TAP2: variants seen among roughly 807,000 people sequenced by gnomAD.
TAP2 encodes the protein antigen peptide transporter 2.
In TAP2, 49 loss-of-function variants were observed where a neutral mutation model predicts 74.7. The ratio of observed to expected loss-of-function variants is 0.66; its 90% confidence interval spans 0.52 to 0.83. TAP2 has a LOEUF of 0.83. TAP2 is among the 40% of genes least tolerant of loss of function. The pLI is 0.00. For missense variants in TAP2, 739 were observed against 859.0 expected (o/e 0.86, Z 1.75); for synonymous variants, 306 against 368.4 (o/e 0.83, Z 1.94).
Position 32,828,675 on chromosome 6 carries a change from G to GGCGCC in TAP2, c.*230_*231insGGCGC. ...GAATTAAGTTTCCTGGACACAGACA[G>GGCGCC]CCCCCACCCCACCCCACCCCACCTC... On this transcript the variant is annotated 3_prime_UTR_variant, in exon 12 of 12. Coordinates refer to ENST00000374897, the MANE Select transcript of TAP2 (RefSeq NM_001290043.2). 1.1e-6 allele frequency: 1 copy of GGCGCC among 884,268 alleles called. No individual in the cohort carries two copies. The highest frequency in any genetic ancestry group is 1.9e-5 in the African/African-American group (1 of 53,306). The allele number at this position is 884,268 out of a possible 1,614,324, so 54.8% of individuals were successfully genotyped here.
Position 32,829,517 on chromosome 6 carries a change from G to T in TAP2, c.1815C>A (p.Ser605Arg). Residue 605 changes from serine (S) to arginine (R), a missense_variant, in exon 11 of 12, where the codon AGC (serine) becomes AGA (arginine). Ser to Arg is a moderately radical substitution (Grantham distance 110, BLOSUM62 -1). Transcript: ENST00000374897. The part of the protein sequence containing the change: ...GIYTDVGEKG[S>R]QLAAGQKQRL... ...GTTGTTTCTGTCCCGCAGCCAGCTG[G>T]CTTCCCTTCTCCCCTACATCTGAGG... 6.2e-7 allele frequency: 1 copy of T among 1,614,196 alleles called. No individual in the cohort carries two copies. The highest frequency in any genetic ancestry group is 1.3e-5 in the African/African-American group (1 of 75,054).
Position 32,828,675 on chromosome 6 carries a change from G to GCCTCCCCCCCCCCCCCCCC in TAP2, c.*230_*231insGGGGGGGGGGGGGGGGAGG. The GCCTCCCCCCCCCCCCCCCC allele has an allele frequency of 1.1e-6, 1 of 884,280 alleles. No homozygotes were observed. Among genetic ancestry groups the GCCTCCCCCCCCCCCCCCCC allele is most frequent in the Non-Finnish European group, 1.4e-6 (1 of 735,240 alleles). 54.8% of individuals were successfully genotyped at this position (884,280 alleles called of 1,614,324 possible). ...GAATTAAGTTTCCTGGACACAGACA[G>GCCTCCCCCCCCCCCCCCCC]CCCCCACCCCACCCCACCCCACCTC... On this transcript the variant is annotated 3_prime_UTR_variant, in exon 12 of 12. Coordinates refer to ENST00000374897, the MANE Select transcript of TAP2 (RefSeq NM_001290043.2).
In TAP2 at chr6:32,832,772, C is replaced by A. The variant is rs756271450; in HGVS notation, c.998G>T (p.Arg333Leu). Reference sequence around the variant, plus strand: ...GGTCTGCAGCCCTCCAACGGCTTCCCGCACCACCTGCCCCGCCCTGGCCAC... The same window carrying A: ...GGTCTGCAGCCCTCCAACGGCTTCCAGCACCACCTGCCCCGCCCTGGCCAC... The part of the protein sequence containing the change: ...DAVARAGQVV[R>L]EAVGGLQTVR... The change falls in exon 6 of 12, where the codon CGG becomes CTG. Residue 333 changes from arginine (R) to leucine (L), a missense_variant. Coordinates refer to ENST00000374897, the MANE Select transcript of TAP2 (RefSeq NM_001290043.2). The surrounding 1 kb of genome is among the most constrained non-coding windows in gnomAD (Gnocchi z 5.9). 29 of 1,613,080 alleles carry A rather than the reference C, an allele frequency of 1.8e-5. No homozygotes were observed. The highest frequency in any genetic ancestry group is 2.5e-5 in the Non-Finnish European group (29 of 1,180,038).
intron 1 of TAP2, among the ~76,000 whole-genome samples, 179 bp downstream of exon 1, chr6:32,838,474 A>T (rs1210073760): frequency 6.6e-6 from 1 of 150,810 alleles, no homozygotes; most frequent in East Asian, 1.9e-4. Flanking sequence ...TTAAAAAAAA[A>T]AAAAAAAAAT....
At position 32,835,197 on chromosome 6, in the gene TAP2, G is replaced by A; in HGVS notation, c.902C>T (p.Pro301Leu). 1 of 1,613,008 alleles carries A rather than the reference G, an allele frequency of 6.2e-7. No individual in the cohort carries two copies. Among genetic ancestry groups the A allele is most frequent in the Non-Finnish European group, 8.5e-7 (1 of 1,180,024 alleles). The change falls in exon 5 of 12, where the codon CCC becomes CTC. Residue 301 changes from proline (P) to leucine (L), a missense_variant. By Grantham distance (98) the Pro-to-Leu change is moderately conservative (BLOSUM62 -3). Coordinates refer to ENST00000374897, the MANE Select transcript of TAP2 (RefSeq NM_001290043.2). The surrounding 1 kb of genome is among the most constrained non-coding windows in gnomAD (Gnocchi z 4.0). ...CACCTTCTCCGCTGCTATTGTGAAG[G>A]GCATGTGCAGCAGAGAAAGGAGGGT... ...RLTLLSLLHM[P>L]FTIAAEKVYN...
At chr6:32,823,766 G>GTATT (rs59250338), downstream of TAP2, among the ~76,000 whole-genome samples, 10,027 of 151,960 alleles carry the variant, frequency 0.066, 645 homozygotes, top group African/African-American at 0.17. Context: ...GTTTACATGA[G>GTATT]TATTTTTAAA....
intron 9 of TAP2, 44 bp downstream of exon 9, chr6:32,830,223 C>T (rs1582568366): frequency 6.8e-6 from 11 of 1,612,892 alleles, no homozygotes; most frequent in Non-Finnish European, 8.5e-6. Context: ...TCTCTCTGTA[C>T]ATGCTCCCCT....
Position 32,835,855 on chromosome 6 carries a change from T to C in TAP2, c.609-82A>G. 1 of 1,592,676 alleles carries C rather than the reference T, an allele frequency of 6.3e-7. No homozygotes were observed. Among genetic ancestry groups the C allele is most frequent in the South Asian group, 1.1e-5 (1 of 90,560 alleles). ...GTGAAACAGAGGAGCAAGCCAGGAG[T>C]GCAGAGAAGCGCAAAGTCAGGGGAA... On this transcript the variant is annotated intron_variant, in intron 3 of 11. Transcript: ENST00000374897. This position sits in a 1 kb window ranked among gnomAD's most constrained non-coding sequence, Gnocchi z 4.0.
chr6:32,836,049 T>C (rs566730402), intron 3 of TAP2, among the ~76,000 whole-genome samples: 1 of 152,182 alleles, frequency 6.6e-6, no homozygotes, highest in Non-Finnish European at 1.5e-5. Context: ...CACTCTGTAC[T>C]AGACACAATA....
At chr6:32,824,170 A>G (rs1768489447), downstream of TAP2, among the ~76,000 whole-genome samples, 1 of 152,118 alleles carries the variant, frequency 6.6e-6, no homozygotes, top group African/African-American at 2.4e-5. Flanking sequence ...ATTTCTTCCT[A>G]TAATTCTCCT....
chr6:32,828,913 T>C lies in TAP2; in HGVS notation c.2054A>G (p.Gln685Arg). ...LQEGKLQKLA[Q>R]L The stretch of plus-strand genomic sequence containing the variant: ...ATAGAGGTCCTGTCCCTCCTAGAGC[T>C]GGGCAAGCTTCTGCAGCTTGCCCTC... The change falls in exon 12 of 12, where the codon CAG becomes CGG. Residue 685 changes from glutamine (Q) to arginine (R), a missense_variant. Transcript: ENST00000374897. The C allele has an allele frequency of 1.3e-6, 2 of 1,544,922 alleles. No individual in the cohort carries two copies. Among genetic ancestry groups the C allele is most frequent in the Non-Finnish European group, 8.7e-7 (1 of 1,144,542 alleles).
intron 2 of TAP2, 30 bp downstream of exon 2, chr6:32,837,711 T>C: frequency 6.2e-7 from 1 of 1,613,994 alleles, no homozygotes; most frequent in African/African-American, 1.3e-5. Flanking sequence ...TTTTACCACC[T>C]CCAACTCACA....
At chr6:32,830,166 T>A in intron 9 of TAP2, 77 bp from the exon 10 acceptor site, 1 of 1,612,016 alleles carries the variant, frequency 6.2e-7, no homozygotes, top group Non-Finnish European at 8.5e-7. Flanking sequence ...CCCACCTACC[T>A]CCCTCAGAAT....
chr6:32,833,139 AAGGTGG>A (rs1769201273), intron 5 of TAP2, among the ~76,000 whole-genome samples: 1 of 152,224 alleles, frequency 6.6e-6, no homozygotes, highest in Non-Finnish European at 1.5e-5. Context: ...ATAGTTAAGA[AAGGTGG>A]AGATGTAATT....
Position 32,827,658 on chromosome 6 carries a change from A to G in TAP2, c.*1248T>C. 1 of 837,386 alleles carries G rather than the reference A, an allele frequency of 1.2e-6. No homozygotes were observed. Among genetic ancestry groups the G allele is most frequent in the African/African-American group, 1.8e-5 (1 of 55,290 alleles). The allele number at this position is 837,386 out of a possible 1,614,324, so 51.9% of individuals were successfully genotyped here. On this transcript the variant is annotated 3_prime_UTR_variant, in exon 12 of 12. Coordinates refer to ENST00000374897, the MANE Select transcript of TAP2 (RefSeq NM_001290043.2). ...AGAAAACACCATATGCAAAGGCACA[A>G]AGGTGTTGGGGAAGGCAGAAGTTTG...
chr6:32,832,445 A>C lies in TAP2; in HGVS notation c.1160T>G (p.Val387Gly). The C allele has an allele frequency of 6.2e-7, 1 of 1,612,704 alleles. No individual in the cohort carries two copies. Among genetic ancestry groups the C allele is most frequent in the Non-Finnish European group, 8.5e-7 (1 of 1,179,872 alleles). The change falls in exon 7 of 12, where the codon GTG (valine) becomes GGG (glycine). Residue 387 changes from valine to glycine, a missense_variant. Coordinates refer to ENST00000374897, the MANE Select transcript of TAP2 (RefSeq NM_001290043.2). The surrounding 1 kb of genome is among the most constrained non-coding windows in gnomAD (Gnocchi z 5.9). ...CCCACAGCTCAGCATCAGCATCTGC[A>C]CCCCCAAGTGCAGCACCTGGAAGAG... The part of the protein sequence containing the change: ...LLVRRVLHLG[V>G]QMLMLSCGLQ...
Position 32,830,414 on chromosome 6 carries a change from A to C in TAP2, c.1488T>G (p.Gly496=). 2 of 1,613,020 alleles carry C rather than the reference A, an allele frequency of 1.2e-6. No homozygotes were observed. The highest frequency in any genetic ancestry group is 1.7e-6 in the Non-Finnish European group (2 of 1,179,986). The change falls in exon 9 of 12, where the codon GGT becomes GGG. Residue 496 remains glycine (G), a synonymous_variant. Transcript: ENST00000374897. ...TGGGTCCCACCAGCGCCGTCACCTC[A>C]CCAGGACGTAGGGTAAACGTCAGCC... is the stretch of plus-strand genomic sequence containing the variant. ...LKGLTFTLRP[G]EVTALVGPNG...
chr6:32,822,099 G>A, downstream of TAP2: 1 of 580,808 alleles, frequency 1.7e-6, no homozygotes, highest in Non-Finnish European at 3.1e-6. Context: ...CCAATCTGCA[G>A]CCACTTCTTT....
chr6:32,828,679 C>CACCCCCCCCCCCCCCCCCCCCCCCCCA lies in TAP2; in HGVS notation c.*226_*227insTGGGGGGGGGGGGGGGGGGGGGGGGGT. The CACCCCCCCCCCCCCCCCCCCCCCCCCA allele has an allele frequency of 3.2e-6, 3 of 948,134 alleles. No homozygotes were observed. The highest frequency in any genetic ancestry group is 4.3e-5 in the South Asian group (1 of 23,290). 58.7% of individuals were successfully genotyped at this position (948,134 alleles called of 1,614,324 possible). On this transcript the variant is annotated 3_prime_UTR_variant, in exon 12 of 12. Transcript: ENST00000374897. ...TAAGTTTCCTGGACACAGACAGCCC[C>CACCCCCCCCCCCCCCCCCCCCCCCCCA]CACCCCACCCCACCCCACCTCTCTA...
Sources: gnomAD v4.1 joint callset for allele counts (sites outside exome capture counted in the v4.1 genomes callset) on GRCh38, gnomAD v4.1.1 for gene constraint, Gnocchi (gnomAD v3.1) non-coding constraint, MANE v1.5 for transcripts, NCBI Gene and HGNC (gene_info 2026-07-23, HGNC 2026-07-21) for gene names.